NKAIN2: variants seen among roughly 807,000 people sequenced by gnomAD.
NKAIN2 encodes the protein sodium/potassium transporting ATPase interacting 2, also known as sodium/potassium-transporting ATPase subunit beta-1-interacting protein 2.
NKAIN2 carries 14 observed loss-of-function variants against 32.6 expected under a neutral mutation model. The observed-to-expected ratio is 0.43, with a 90% CI of 0.28 to 0.67. NKAIN2 has a LOEUF of 0.67. NKAIN2 is among the 30% of genes least tolerant of loss of function. The probability of loss-of-function intolerance (pLI) is 0.17; values close to 1 mark genes in which losing one functional copy is unlikely to be tolerated. For missense variants in NKAIN2, 198 were observed against 258.3 expected, an observed-to-expected ratio of 0.77 and a Z score of 1.60; for synonymous variants, 80 against 87.2, an observed-to-expected ratio of 0.92 and a Z score of 0.46.
intron 2 of NKAIN2, among the ~76,000 whole-genome samples, chr6:124,319,523 C>T (rs947813558): frequency 1.3e-4 from 20 of 152,038 alleles, no homozygotes; most frequent in African/African-American, 2.2e-4. Context: ...TTATGCTTCC[C>T]GAAGTATGGC....
chr6:124,499,598 G>A (rs1778203754), intron 3 of NKAIN2, among the ~76,000 whole-genome samples: 1 of 152,058 alleles, frequency 6.6e-6, no homozygotes, highest in Non-Finnish European at 1.5e-5. Context: ...CTCAACTAAA[G>A]CCCAAAGAAA....
intron 1 of NKAIN2, among the ~76,000 whole-genome samples, chr6:124,188,337 T>A (rs1789850279): frequency 1.3e-5 from 2 of 152,220 alleles, no homozygotes; most frequent in Non-Finnish European, 1.5e-5. Context: ...AAACTTGAAC[T>A]CTCAGCCACT....
intron 1 of NKAIN2, among the ~76,000 whole-genome samples, chr6:123,852,058 G>A (rs1212038250): frequency 6.6e-6 from 1 of 152,102 alleles, no homozygotes; most frequent in African/African-American, 2.4e-5. Flanking sequence ...TTAGCCATAT[G>A]TTTTCTTCCA....
chr6:124,104,086 C>CA (rs1333763683), intron 1 of NKAIN2, among the ~76,000 whole-genome samples: 2 of 151,916 alleles, frequency 1.3e-5, no homozygotes, highest in African/African-American at 2.4e-5. Context: ...GACTCCATCT[C>CA]AAAAAATAAA....
chr6:124,479,510 T>G (rs748783123), intron 3 of NKAIN2, among the ~76,000 whole-genome samples: 1 of 152,180 alleles, frequency 6.6e-6, no homozygotes, highest in Non-Finnish European at 1.5e-5. Context: ...CCTTCAGCTT[T>G]CACATGGTAA....
At chr6:124,452,186 C>T (rs1363144628) in intron 3 of NKAIN2, among the ~76,000 whole-genome samples, 3 of 117,046 alleles carry the variant, frequency 2.6e-5, no homozygotes, top group Non-Finnish European at 5.6e-5. Flanking sequence ...CAGAGCAAGA[C>T]ATCATCTCGA....
intron 1 of NKAIN2, among the ~76,000 whole-genome samples, chr6:123,906,688 TGTA>T (rs539916891): frequency 1.1e-4 from 16 of 152,332 alleles, no homozygotes; most frequent in South Asian, 1.0e-3. Context: ...TATCATCTCC[TGTA>T]GTATCTGTCT....
chr6:124,338,365 T>C (rs1797969192), intron 2 of NKAIN2, among the ~76,000 whole-genome samples: 1 of 152,208 alleles, frequency 6.6e-6, no homozygotes, highest in South Asian at 2.1e-4. Context: ...TGATAGGTGA[T>C]AAGTGTAGAG....
rs189852537 is a variant in NKAIN2, at chr6:124,493,191, T to C, written c.273+137844T>C. Among the ~76,000 whole-genome samples the C allele has an allele frequency of 7.5e-4, 114 of 152,134 alleles. 2 individuals carry two copies. The highest frequency in any genetic ancestry group is 6.8e-3 in the Middle Eastern group (2 of 294). Reference sequence around the variant, plus strand: ...TAAATCTACACATTATGATATTACATTGGGGCTTTATTAAGGCATCATGAG... The same window carrying C: ...TAAATCTACACATTATGATATTACACTGGGGCTTTATTAAGGCATCATGAG... On this transcript the variant is annotated intron_variant, in intron 3 of 6. Transcript: ENST00000368417.
At position 124,823,428 on chromosome 6, in the gene NKAIN2, ACCT is replaced by A; in HGVS notation, c.*204_*206del. On this transcript the variant is annotated 3_prime_UTR_variant, in exon 7 of 7. Transcript: ENST00000368417. ...AGCACGCACACACCAATTCCACTTG[ACCT>A]CCTCTTTCTAACTGAAACAGACAAA... The A allele has an allele frequency of 1.9e-6, 1 of 526,284 alleles. No individual in the cohort carries two copies. Among genetic ancestry groups the A allele is most frequent in the Non-Finnish European group, 3.4e-6 (1 of 294,148 alleles). 32.6% of individuals were successfully genotyped at this position (526,284 alleles called of 1,614,324 possible).
intron 4 of NKAIN2, among the ~76,000 whole-genome samples, chr6:124,767,167 T>A (rs1288866218): frequency 6.6e-6 from 1 of 152,140 alleles, no homozygotes; most frequent in Non-Finnish European, 1.5e-5. Context: ...GTGCTGGGAT[T>A]ACAGGCATGA....
chr6:124,447,164 T>A (rs1329276593), intron 3 of NKAIN2, among the ~76,000 whole-genome samples: 3 of 152,092 alleles, frequency 2.0e-5, no homozygotes, highest in African/African-American at 7.2e-5. Flanking sequence ...TTTGACGTAT[T>A]TCCTTTTGGG....
At chr6:124,689,264 C>T (rs1192627512) in intron 4 of NKAIN2, among the ~76,000 whole-genome samples, 2 of 152,100 alleles carry the variant, frequency 1.3e-5, no homozygotes, top group African/African-American at 4.8e-5. Context: ...ACTTATTTGA[C>T]ATCTGGATGT....
At chr6:124,077,294 C>G (rs1334735018) in intron 1 of NKAIN2, among the ~76,000 whole-genome samples, 2 of 152,182 alleles carry the variant, frequency 1.3e-5, no homozygotes, top group African/African-American at 4.8e-5. Context: ...CATTATTATT[C>G]TAATTTTCAT....
Position 124,421,882 on chromosome 6 carries a change from G to A in NKAIN2, c.273+66535G>A, listed in dbSNP as rs1774769711. On this transcript the variant is annotated intron_variant, in intron 3 of 6. Coordinates refer to ENST00000368417, the MANE Select transcript of NKAIN2 (RefSeq NM_001040214.3). The stretch of plus-strand genomic sequence containing the variant: ...TCCGGCGTGATTTTAGGAAGAAAGG[G>A]AGAGGTCAGAGAGCCCTTCTCGCAT... 1.3e-5 allele frequency among the ~76,000 whole-genome samples: 2 copies of A among 152,162 alleles called. 1 individual carries two copies. Among genetic ancestry groups the A allele is most frequent in the African/African-American group, 4.8e-5 (2 of 41,442 alleles).
rs57008229 is a variant in NKAIN2 at position 124,278,650 on chromosome 6, CATATATATATATATATATAT to C, written c.55-4334_55-4315del. Among the ~76,000 whole-genome samples the C allele has an allele frequency of 7.7e-4, 53 of 68,992 alleles. 1 individual carries two copies. Among genetic ancestry groups the C allele is most frequent in the African/African-American group, 1.5e-3 (34 of 21,974 alleles). The allele number at this position is 68,992 out of a possible 152,430, so 45.3% of individuals were successfully genotyped here. A position where few individuals can be genotyped will look rare whatever the true frequency, so the allele number is the denominator to read the frequency against. ...CACACAAACACACATATACATAGCT[CATATATATATATATATATAT>C]ATATATATATATATATATATGCTAT... On this transcript the variant is annotated intron_variant, in intron 1 of 6. Transcript: ENST00000368417.
chr6:124,508,184 G>A (rs1195876325), intron 3 of NKAIN2, among the ~76,000 whole-genome samples: 3 of 151,976 alleles, frequency 2.0e-5, no homozygotes, highest in Non-Finnish European at 2.9e-5. Flanking sequence ...TTGAGCTTGG[G>A]AGGTTAAGGC....
chr6:124,532,334 G>A (rs1583398721), intron 3 of NKAIN2, among the ~76,000 whole-genome samples: 1 of 151,990 alleles, frequency 6.6e-6, no homozygotes, highest in African/African-American at 2.4e-5. Flanking sequence ...TCTTGCAAGG[G>A]GAGGCTTCTT....
intron 4 of NKAIN2, among the ~76,000 whole-genome samples, chr6:124,751,218 C>T (rs1777702940): frequency 6.6e-6 from 1 of 152,028 alleles, no homozygotes; most frequent in South Asian, 2.1e-4. Flanking sequence ...GGGCACTATC[C>T]TTCTTGATTA....
Sources: gnomAD v4.1 joint callset for allele counts (sites outside exome capture counted in the v4.1 genomes callset) on GRCh38, gnomAD v4.1.1 for gene constraint, MANE v1.5 for transcripts, NCBI Gene and HGNC (gene_info 2026-07-23, HGNC 2026-07-21) for gene names.